The following PTPRO variants were observed in gnomAD, a reference collection of about 807,000 sequenced individuals.
The protein encoded by PTPRO is protein tyrosine phosphatase receptor type O.
Under a neutral mutation model 145.2 loss-of-function variants are expected in PTPRO, and 62 were observed. The observed-to-expected ratio is 0.43, with a 90% CI of 0.35 to 0.53. PTPRO has a LOEUF of 0.53. PTPRO is among the 20% of genes least tolerant of loss of function. PTPRO has a pLI of 0.01. For synonymous variants in PTPRO, 565 were observed against 514.7 expected (o/e 1.10, Z -1.32); for missense variants, 1,345 against 1,482.7 (o/e 0.91, Z 1.53).
At position 15,417,285 on chromosome 12, in the gene PTPRO, A is replaced by G. The variant is rs749359550; in HGVS notation, c.76-66689A>G. ...AAGCCCATCATAAAGTCACAAAAGC[A>G]TAAGTAGAACCATTGTAAGTCAGGA... On this transcript the variant is annotated intron_variant, in intron 1 of 26. Transcript: ENST00000281171. Among the ~76,000 whole-genome samples the G allele has an allele frequency of 2.6e-5, 4 of 151,828 alleles. 1 individual carries two copies. The highest frequency in any genetic ancestry group is 7.3e-5 in the African/African-American group (3 of 41,080).
intron 17 of PTPRO, among the ~76,000 whole-genome samples, chr12:15,560,920 G>A (rs923104065): frequency 5.9e-5 from 9 of 152,098 alleles, no homozygotes; most frequent in African/African-American, 2.2e-4. Context: ...TCTTTCCTCT[G>A]TAAAGAGCAG....
Position 15,420,848 on chromosome 12 carries a change from G to C in PTPRO, c.76-63126G>C, listed in dbSNP as rs185766416. The stretch of plus-strand genomic sequence containing the variant: ...GTACAATAATAGTTTCTACCTCACG[G>C]GGCGTTTGTAAGAGTTGAATGAGTT... On this transcript the variant is annotated intron_variant, in intron 1 of 26. Transcript: ENST00000281171. Among the ~76,000 whole-genome samples, 16 of 152,232 alleles carry C rather than the reference G, an allele frequency of 1.1e-4. No homozygotes were observed. The East Asian group carries it at 3.1e-3, about 29-fold the overall frequency.
At chr12:15,563,426 T>C (rs1040597486) in intron 17 of PTPRO, among the ~76,000 whole-genome samples, 1 of 152,122 alleles carries the variant, frequency 6.6e-6, no homozygotes, top group Admixed American at 6.6e-5. Flanking sequence ...CAATTGAAAA[T>C]GTAGGAACAT....
intron 1 of PTPRO, among the ~76,000 whole-genome samples, chr12:15,358,719 C>T (rs1938077401): frequency 6.6e-6 from 1 of 152,182 alleles, no homozygotes; most frequent in African/African-American, 2.4e-5. Context: ...ATGCTCTGTG[C>T]CTCACTTCAT....
chr12:15,571,139 G>A lies in PTPRO; in HGVS notation c.2829+1641G>A, dbSNP rs552775758. On this transcript the variant is annotated intron_variant, in intron 19 of 26. Transcript: ENST00000281171. ...GTTTCAGGGATGACTGGAGCCAGGG[G>A]CCCCTCTATTTCTCATTTCTGCTTC... Among the ~76,000 whole-genome samples the A allele has an allele frequency of 7.9e-5, 12 of 152,226 alleles. No homozygotes were observed. In the South Asian group the frequency reaches 2.5e-3, roughly 32 times the overall value.
chr12:15,396,910 C>T (rs2136293943), intron 1 of PTPRO, among the ~76,000 whole-genome samples: 1 of 152,252 alleles, frequency 6.6e-6, no homozygotes, highest in African/African-American at 2.4e-5. Flanking sequence ...TTTTTAGAAA[C>T]TGCTCTTTCA....
At chr12:15,521,025 T>C (rs1387084568) in intron 10 of PTPRO, among the ~76,000 whole-genome samples, 2 of 152,152 alleles carry the variant, frequency 1.3e-5, no homozygotes, top group African/African-American at 2.4e-5. Flanking sequence ...TAGTCAGAGA[T>C]AGCAATGAAA....
chr12:15,428,257 A>G (rs889280280), intron 1 of PTPRO, among the ~76,000 whole-genome samples: 5 of 152,162 alleles, frequency 3.3e-5, no homozygotes, highest in South Asian at 2.1e-4. Flanking sequence ...TACGACAAAT[A>G]ATTTGGTTGC....
chr12:15,573,277 C>T (rs1243265301), intron 19 of PTPRO, among the ~76,000 whole-genome samples: 1 of 152,146 alleles, frequency 6.6e-6, no homozygotes. Flanking sequence ...CCTGTCTCTT[C>T]TCATCAGGCC....
At position 15,560,287 on chromosome 12, in the gene PTPRO, T is replaced by G. The variant is rs1363422112; in HGVS notation, c.2711+11T>G. ...TTATATTAATCCTTGGTAAGTGATT[T>G]TTTTTTACTGTTTAACACAAACTCT... On this transcript the variant is annotated intron_variant, in intron 17 of 26. Coordinates refer to ENST00000281171, the MANE Select transcript of PTPRO (RefSeq NM_030667.3). 1.3e-6 allele frequency: 2 copies of G among 1,535,124 alleles called. No individual in the cohort carries two copies. The highest frequency in any genetic ancestry group is 1.7e-5 in the Admixed American group (1 of 59,846).
At chr12:15,476,143 T>C (rs1649544944) in intron 1 of PTPRO, among the ~76,000 whole-genome samples, 1 of 152,130 alleles carries the variant, frequency 6.6e-6, no homozygotes, top group Non-Finnish European at 1.5e-5. Flanking sequence ...GGGTCTAATT[T>C]GTTGTTGCTG....
intron 2 of PTPRO, among the ~76,000 whole-genome samples, chr12:15,487,194 C>G (rs1175471162): frequency 6.6e-6 from 1 of 152,036 alleles, no homozygotes; most frequent in Non-Finnish European, 1.5e-5. Flanking sequence ...TTAGGCAGAC[C>G]CTGTGATGTT....
intron 1 of PTPRO, among the ~76,000 whole-genome samples, chr12:15,445,203 T>C (rs1007974116): frequency 3.9e-5 from 6 of 152,164 alleles, no homozygotes; most frequent in Non-Finnish European, 5.9e-5. Flanking sequence ...AATGGACTTA[T>C]AAGGATTTTT....
At position 15,365,866 on chromosome 12, in the gene PTPRO, G is replaced by A. The variant is rs1013521989; in HGVS notation, c.75+43065G>A. On this transcript the variant is annotated intron_variant, in intron 1 of 26. Transcript: ENST00000281171. ...GGCAGTGCTTGCTGTTATTGGGTAG[G>A]CAATATAAAAAATATGTAAGGAATA... 9.9e-5 allele frequency among the ~76,000 whole-genome samples: 15 copies of A among 152,190 alleles called. No individual in the cohort carries two copies. In the East Asian group the frequency reaches 2.7e-3, roughly 27 times the overall value.
At chr12:15,562,963 G>A (rs893896366) in intron 17 of PTPRO, among the ~76,000 whole-genome samples, 1 of 152,084 alleles carries the variant, frequency 6.6e-6, no homozygotes, top group African/African-American at 2.4e-5. Context: ...TCATCAAAGA[G>A]TAAGCAGCAC....
chr12:15,465,939 A>G (rs1179151690), intron 1 of PTPRO, among the ~76,000 whole-genome samples: 1 of 152,228 alleles, frequency 6.6e-6, no homozygotes, highest in African/African-American at 2.4e-5. Context: ...TGCTGAATAC[A>G]CACATGATCA....
At chr12:15,513,227 A>AAGAG (rs1942504349) in intron 7 of PTPRO, among the ~76,000 whole-genome samples, 1 of 129,870 alleles carries the variant, frequency 7.7e-6, no homozygotes, top group Admixed American at 7.8e-5. Flanking sequence ...GAAAGAAAGA[A>AAGAG]AAGAAAGAAA....
At chr12:15,436,029 G>T (rs1940586144) in intron 1 of PTPRO, among the ~76,000 whole-genome samples, 1 of 152,122 alleles carries the variant, frequency 6.6e-6, no homozygotes, top group African/African-American at 2.4e-5. Context: ...AATGACTACT[G>T]GATACATAAC....
intron 15 of PTPRO, 131 bp downstream of exon 15, chr12:15,551,802 T>C: frequency 1.0e-6 from 1 of 955,522 alleles, no homozygotes; most frequent in Non-Finnish European, 1.6e-6. Context: ...CTGTTTCTAT[T>C]GTGTGTGTTT....
Sources: allele counts gnomAD v4.1 joint callset (sites outside exome capture counted in the v4.1 genomes callset), GRCh38; gene constraint gnomAD v4.1.1; transcripts MANE v1.5; gene names NCBI Gene and HGNC (gene_info 2026-07-23, HGNC 2026-07-21).